YTHDC2: variants seen among roughly 807,000 people sequenced by gnomAD.
YTHDC2 encodes the protein 3'-5' RNA helicase YTHDC2.
In YTHDC2, 45 loss-of-function variants were observed where a neutral mutation model predicts 174.9. The observed-to-expected ratio is 0.26, with a 90% confidence interval of 0.20 to 0.33. The LOEUF is 0.33. YTHDC2 is among the 10% of genes least tolerant of loss of function. The pLI is 1.00. For missense variants in YTHDC2, 1,650 were observed against 1,723.7 expected (o/e 0.96, Z 0.76); for synonymous variants, 657 against 574.5 (o/e 1.14, Z -2.05).
At chr5:113,544,636 T>G (rs1043126178) in intron 10 of YTHDC2, among the ~76,000 whole-genome samples, 5 of 152,304 alleles carry the variant, frequency 3.3e-5, no homozygotes, top group Admixed American at 3.3e-4. Flanking sequence ...ACATATGTAT[T>G]TATGCCTGAC....
At chr5:113,542,347 G>T (rs781065818) in intron 9 of YTHDC2, 21 bp from the exon 10 acceptor site, 2 of 1,601,070 alleles carry the variant, frequency 1.2e-6, no homozygotes, top group African/African-American at 1.3e-5. Flanking sequence ...GATAATTTAT[G>T]ATTTTTACTG....
intron 23 of YTHDC2, among the ~76,000 whole-genome samples, chr5:113,575,776 G>A (rs1778004512): frequency 2.6e-5 from 4 of 152,158 alleles, no homozygotes. Context: ...TTGGCTAAGG[G>A]GATGAATTAC....
At chr5:113,553,118 G>T in intron 12 of YTHDC2, 63 bp from the exon 13 acceptor site, 1 of 1,385,628 alleles carries the variant, frequency 7.2e-7, no homozygotes, top group Non-Finnish European at 9.4e-7. Flanking sequence ...AAATTTGAAG[G>T]ACATAAGGAT....
Position 113,513,988 on chromosome 5 carries a change from C to T in YTHDC2, c.93C>T (p.Gly31=). 6.2e-7 allele frequency: 1 copy of T among 1,603,994 alleles called. No individual in the cohort carries two copies. The highest frequency in any genetic ancestry group is 8.5e-7 in the Non-Finnish European group (1 of 1,176,202). Residue 31 remains glycine, a synonymous_variant, in exon 1 of 30, where the codon GGC becomes GGT. Coordinates refer to ENST00000161863, the MANE Select transcript of YTHDC2 (RefSeq NM_022828.5). The stretch of plus-strand genomic sequence containing the variant: ...CGCCTTGTGGCCCTGGGGGCGGCGG[C>T]CGGGCCAAGGGGCTGAAGGACATTC... ...GPSPCGPGGG[G]RAKGLKDIRI... is the part of the protein sequence containing the mutation.
intron 8 of YTHDC2, 22 bp from the exon 9 acceptor site, chr5:113,540,946 C>G: frequency 6.3e-7 from 1 of 1,598,602 alleles, no homozygotes; most frequent in Non-Finnish European, 8.5e-7. Flanking sequence ...TCTACATATT[C>G]TTTCTTTGAT....
At chr5:113,522,126 T>G (rs1266924845) in intron 2 of YTHDC2, among the ~76,000 whole-genome samples, 5 of 92,572 alleles carry the variant, frequency 5.4e-5, no homozygotes, top group African/African-American at 6.9e-5. Context: ...TGAATGCCTG[T>G]TTTTTTTGTT....
intron 21 of YTHDC2, among the ~76,000 whole-genome samples, chr5:113,566,446 C>CTTT (rs34372128): frequency 3.3e-5 from 4 of 122,438 alleles, no homozygotes; most frequent in Non-Finnish European, 5.1e-5. Context: ...TTGAAGTCAC[C>CTTT]TTTTTTTTTT....
intron 18 of YTHDC2, among the ~76,000 whole-genome samples, chr5:113,561,801 A>G (rs996536048): frequency 1.3e-5 from 2 of 151,992 alleles, no homozygotes; most frequent in East Asian, 3.9e-4. Context: ...ATGAGTTTCA[A>G]CTATATAGTG....
chr5:113,569,249 G>A, intron 23 of YTHDC2, among the ~76,000 whole-genome samples: 1 of 152,070 alleles, frequency 6.6e-6, no homozygotes. Flanking sequence ...TTAGACCTTT[G>A]TCAGATGGAT....
intron 8 of YTHDC2, among the ~76,000 whole-genome samples, chr5:113,539,652 G>A (rs192141764): frequency 1.3e-3 from 195 of 152,278 alleles, no homozygotes; most frequent in African/African-American, 4.5e-3. Context: ...CTCTTGTAAT[G>A]ACATATTTCA....
intron 26 of YTHDC2, among the ~76,000 whole-genome samples, chr5:113,585,327 T>G (rs1400546814): frequency 6.6e-6 from 1 of 152,180 alleles, no homozygotes; most frequent in Non-Finnish European, 1.5e-5. Flanking sequence ...CTTTACTGTT[T>G]TAGTAGCTAA....
chr5:113,585,801 A>T (rs542384374), intron 26 of YTHDC2, among the ~76,000 whole-genome samples: 2 of 151,866 alleles, frequency 1.3e-5, no homozygotes, highest in East Asian at 3.9e-4. Context: ...TCAACAATCT[A>T]TCCATATTGT....
At chr5:113,567,895 T>G in intron 23 of YTHDC2, 46 bp downstream of exon 23, 1 of 1,390,128 alleles carries the variant, frequency 7.2e-7, no homozygotes, top group Non-Finnish European at 9.5e-7. Flanking sequence ...TGAATTTTTT[T>G]TTTTTACCAA....
At position 113,594,558 on chromosome 5, in the gene YTHDC2, T is replaced by C. The variant is rs1036926722; in HGVS notation, c.*1084T>C. ...AATTTTTTTTTTGTAAATCCGTGCT[T>C]GTGCCAAGTCTCATATTTCTTTGCC... On this transcript the variant is annotated 3_prime_UTR_variant, in exon 30 of 30. Transcript: ENST00000161863. 1.3e-5 allele frequency: 2 copies of C among 152,148 alleles called. No individual in the cohort carries two copies. Among genetic ancestry groups the C allele is most frequent in the South Asian group, 4.1e-4 (2 of 4,832 alleles). The allele number at this position is 152,148 out of a possible 1,614,324, so 9.4% of individuals were successfully genotyped here.
rs528274811 is a variant in YTHDC2 at position 113,518,703 on chromosome 5, C to A, written c.278+3341C>A. Among the ~76,000 whole-genome samples the A allele has an allele frequency of 9.2e-5, 14 of 151,952 alleles. No individual in the cohort carries two copies. The South Asian group carries it at 2.9e-3, about 32-fold the overall frequency. On this transcript the variant is annotated intron_variant, in intron 2 of 29. Transcript: ENST00000161863. ...TTCTATTTCCAGTCTCTCATTGACTCATTCTCTTATTTGGGCTTTTTATAT... is the reference window on the plus strand; with the variant it reads ...TTCTATTTCCAGTCTCTCATTGACTAATTCTCTTATTTGGGCTTTTTATAT...
At chr5:113,552,983 G>C (rs1311021651) in intron 12 of YTHDC2, among the ~76,000 whole-genome samples, 198 bp from the exon 13 acceptor site, 1 of 151,868 alleles carries the variant, frequency 6.6e-6, no homozygotes, top group African/African-American at 2.4e-5. Context: ...CCTTCAGATT[G>C]TGCTTTTCTA....
chr5:113,576,088 A>C (rs1273294689), intron 23 of YTHDC2, among the ~76,000 whole-genome samples: 2 of 150,890 alleles, frequency 1.3e-5, no homozygotes, highest in Admixed American at 1.3e-4. Flanking sequence ...TGAGATGGCT[A>C]AGACACTCTA....
At chr5:113,515,235 T>C in intron 1 of YTHDC2, 37 bp from the exon 2 acceptor site, 1 of 1,533,232 alleles carries the variant, frequency 6.5e-7, no homozygotes, top group Non-Finnish European at 8.9e-7. Context: ...AAATTGCCTA[T>C]CTACAAATTT....
rs1779104370 is a variant in YTHDC2 at position 113,593,335 on chromosome 5, C to G, written c.4245C>G (p.Leu1415=). ...AACCTCTGGTTGGTGAACAGTTGCT[C>G]CAGTTATGGGAACGTCTTCCCTTGG... ...ELEPLVGEQL[L]QLWERLPLGE... is the part of the protein sequence containing the mutation. Residue 1415 remains leucine (L), a synonymous_variant, in exon 29 of 30, where the codon CTC becomes CTG. Coordinates refer to ENST00000161863, the MANE Select transcript of YTHDC2 (RefSeq NM_022828.5). 3.7e-6 allele frequency: 6 copies of G among 1,612,684 alleles called. No homozygotes were observed. Among genetic ancestry groups the G allele is most frequent in the Non-Finnish European group, 4.2e-6 (5 of 1,179,080 alleles).
Sources: gnomAD v4.1 joint callset for allele counts (sites outside exome capture counted in the v4.1 genomes callset) on GRCh38, gnomAD v4.1.1 for gene constraint, MANE v1.5 for transcripts, NCBI Gene and HGNC (gene_info 2026-07-23, HGNC 2026-07-21) for gene names.